MEGF8: variants seen among roughly 807,000 people sequenced by gnomAD.
MEGF8 encodes multiple epidermal growth factor-like domains protein 8.
Under a neutral mutation model 302.9 loss-of-function variants are expected in MEGF8, and 156 were observed. The observed-to-expected ratio is 0.52, with a 90% confidence interval of 0.45 to 0.59. The LOEUF is 0.59. Among genes scored for constraint, MEGF8 ranks in the 20% least tolerant of loss-of-function variants. MEGF8 has a pLI of 0.00. For missense variants in MEGF8, 3,345 were observed against 3,964.5 expected (o/e 0.84, Z 4.20); for synonymous variants, 1,621 against 1,660.5 (o/e 0.98, Z 0.58).
Position 42,369,832 on chromosome 19 carries a change from GA to G in MEGF8, c.6834+110del. ...TCATCCTGAGCCCTGATAAGCCAGG[GA>G]CAGATAAGCCAGAGCCCTGTCCCAG... On this transcript the variant is annotated intron_variant, in intron 38 of 41. Transcript: ENST00000251268. This position sits in a 1 kb window ranked among gnomAD's most constrained non-coding sequence, Gnocchi z 5.7. 1 of 1,254,596 alleles carries G rather than the reference GA, an allele frequency of 8.0e-7. No individual in the cohort carries two copies. 77.7% of individuals were successfully genotyped at this position (1,254,596 alleles called of 1,614,324 possible).
intron 8 of MEGF8, among the ~76,000 whole-genome samples, chr19:42,337,488 T>A (rs1230473424): frequency 6.6e-6 from 1 of 152,114 alleles, no homozygotes; most frequent in Non-Finnish European, 1.5e-5. Flanking sequence ...TTCCTTCTTT[T>A]TAACTTTCTT....
In MEGF8 at chr19:42,351,038, C is replaced by T. The variant is rs139435867; in HGVS notation, c.2737-178C>T. ...CCTAAAGGAGACAGTGGGTGCTGGG[C>T]GGGCCGACCCATGGGTGTCTGTGGT... On this transcript the variant is annotated intron_variant, in intron 15 of 41. Coordinates refer to ENST00000251268, the MANE Select transcript of MEGF8 (RefSeq NM_001271938.2). This position sits in a 1 kb window ranked among gnomAD's most constrained non-coding sequence, Gnocchi z 5.6. 1,932 of 619,230 alleles carry T rather than the reference C, an allele frequency of 3.1e-3. 5 individuals are homozygous for T. Among genetic ancestry groups the T allele is most frequent in the Non-Finnish European group, 4.0e-3 (1,405 of 347,946 alleles). 38.4% of individuals were successfully genotyped at this position (619,230 alleles called of 1,614,324 possible).
chr19:42,329,615 A>C (rs929903190), intron 1 of MEGF8, among the ~76,000 whole-genome samples: 1 of 152,174 alleles, frequency 6.6e-6, no homozygotes, highest in Non-Finnish European at 1.5e-5. Context: ...TAATCCCAGC[A>C]CTTTGGGAAT....
rs750569726 is a variant in MEGF8 at position 42,375,608 on chromosome 19, C to T, written c.7371C>T (p.Ser2457=). 11 of 1,605,986 alleles carry T rather than the reference C, an allele frequency of 6.8e-6. No individual in the cohort carries two copies. The South Asian group carries it at 1.1e-4, about 16-fold the overall frequency. Residue 2457 remains serine, a synonymous_variant, in exon 42 of 42, where the codon TCC becomes TCT. Coordinates refer to ENST00000251268, the MANE Select transcript of MEGF8 (RefSeq NM_001271938.2). This position sits in a 1 kb window ranked among gnomAD's most constrained non-coding sequence, Gnocchi z 7.1. The part of the protein sequence containing the change: ...VEQECCLDPT[S]QTNCFHEPKR... ...AGGAGTGCTGCCTGGACCCCACGTC[C>T]CAGACCAACTGCTTCCATGAGCCCA... is the stretch of plus-strand genomic sequence containing the variant.
chr19:42,361,876 A>G (rs1216160311), intron 32 of MEGF8, among the ~76,000 whole-genome samples: 2 of 152,142 alleles, frequency 1.3e-5, no homozygotes, highest in African/African-American at 2.4e-5. Flanking sequence ...CTGCATGGGC[A>G]GGAGGACCTG....
intron 15 of MEGF8, 135 bp downstream of exon 15, chr19:42,350,519 G>C: frequency 1.3e-6 from 1 of 776,308 alleles, no homozygotes; most frequent in Non-Finnish European, 2.0e-6. Flanking sequence ...GAGCCTGGTG[G>C]GGAGGGTGAG....
rs2039477964 is a variant in MEGF8 at position 42,358,088 on chromosome 19, C to T, written c.5012-56C>T. 9.8e-6 allele frequency: 14 copies of T among 1,425,374 alleles called. No homozygotes were observed. The Admixed American group carries it at 1.6e-4, about 16-fold the overall frequency. 88.3% of individuals were successfully genotyped at this position (1,425,374 alleles called of 1,614,324 possible). On this transcript the variant is annotated intron_variant, in intron 28 of 41. Transcript: ENST00000251268. This position sits in a 1 kb window ranked among gnomAD's most constrained non-coding sequence, Gnocchi z 4.4. ...ACCGAACAGGGGACCGGGAGGTCGG[C>T]GGGGTCAGTGCTGTTGTCAGCCCCT...
intron 40 of MEGF8, 112 bp downstream of exon 40, chr19:42,370,943 C>G (rs2039682903): frequency 1.7e-6 from 1 of 577,964 alleles, no homozygotes; most frequent in Non-Finnish European, 3.1e-6. Context: ...CCTCCACCCC[C>G]AGTCAGGAGA....
In MEGF8 at chr19:42,336,299, C is replaced by G. The variant is rs149190709; in HGVS notation, c.1197C>G (p.Pro399=). ...GCCACTCCATGGTGTTCCATGCCCCCTCCCGTGCCCTGCTGGTCCATGGTG... is the reference window on the plus strand; with the variant it reads ...GCCACTCCATGGTGTTCCATGCCCCGTCCCGTGCCCTGCTGGTCCATGGTG... The part of the protein sequence containing the change: ...ATGHSMVFHA[P]SRALLVHGGH... Residue 399 remains proline, a synonymous_variant, in exon 6 of 42, where the codon CCC becomes CCG. Coordinates refer to ENST00000251268, the MANE Select transcript of MEGF8 (RefSeq NM_001271938.2). The surrounding 1 kb of genome is among the most constrained non-coding windows in gnomAD (Gnocchi z 4.8). 70 of 1,607,316 alleles carry G rather than the reference C, an allele frequency of 4.4e-5. No homozygotes were observed. The highest frequency in any genetic ancestry group is 5.3e-5 in the Non-Finnish European group (62 of 1,179,196).
intron 8 of MEGF8, among the ~76,000 whole-genome samples, 159 bp from the exon 9 acceptor site, chr19:42,343,318 G>C (rs1203075106): frequency 2.0e-5 from 3 of 152,194 alleles, no homozygotes; most frequent in Non-Finnish European, 4.4e-5. Context: ...AGCTCAGCTT[G>C]TTCAGGGCCA....
Position 42,357,264 on chromosome 19 carries a change from G to T in MEGF8, c.4831-140G>T, listed in dbSNP as rs1006585824. On this transcript the variant is annotated intron_variant, in intron 27 of 41. Coordinates refer to ENST00000251268, the MANE Select transcript of MEGF8 (RefSeq NM_001271938.2). This position sits in a 1 kb window ranked among gnomAD's most constrained non-coding sequence, Gnocchi z 5.2. Reference sequence around the variant, plus strand: ...CCCACTGTGCCTCTGCCAGGACCCAGGCTGGTCCGACTGGCCCTGGGGGGG... The same window carrying T: ...CCCACTGTGCCTCTGCCAGGACCCATGCTGGTCCGACTGGCCCTGGGGGGG... 5 of 1,074,764 alleles carry T rather than the reference G, an allele frequency of 4.7e-6. No individual in the cohort carries two copies. 66.6% of individuals were successfully genotyped at this position (1,074,764 alleles called of 1,614,324 possible).
chr19:42,344,032 G>A lies in MEGF8; in HGVS notation c.1747G>A (p.Ala583Thr). Residue 583 changes from alanine to threonine, a missense_variant, in exon 10 of 42, where the codon GCC becomes ACC. Transcript: ENST00000251268. The surrounding 1 kb of genome is among the most constrained non-coding windows in gnomAD (Gnocchi z 4.5). ...RDPECSWCQG[A>T]CQAAPPPGTP... ...CCCGGAATGCAGTTGGTGCCAAGGA[G>A]CCTGCCAAGCTGCACCCCCTCCTGG... is the stretch of plus-strand genomic sequence containing the variant. 6.2e-7 allele frequency: 1 copy of A among 1,613,726 alleles called. No homozygotes were observed. Among genetic ancestry groups the A allele is most frequent in the Non-Finnish European group, 8.5e-7 (1 of 1,179,766 alleles).
chr19:42,372,720 T>TG (rs1422499111), intron 41 of MEGF8, among the ~76,000 whole-genome samples: 1 of 152,182 alleles, frequency 6.6e-6, no homozygotes, highest in Admixed American at 6.5e-5. Flanking sequence ...TTGCCCAGGC[T>TG]GGAGTGCAGT....
chr19:42,340,348 GCCTTCT>G (rs1308098385), intron 8 of MEGF8, among the ~76,000 whole-genome samples: 1 of 152,082 alleles, frequency 6.6e-6, no homozygotes, highest in Admixed American at 6.6e-5. Flanking sequence ...TCATGCTTCA[GCCTTCT>G]GAGTAGCTGG....
chr19:42,357,994 C>A lies in MEGF8; in HGVS notation c.5012-150C>A. 1.4e-6 allele frequency: 1 copy of A among 727,396 alleles called. No homozygotes were observed. Among genetic ancestry groups the A allele is most frequent in the Non-Finnish European group, 2.1e-6 (1 of 473,594 alleles). 45.1% of individuals were successfully genotyped at this position (727,396 alleles called of 1,614,324 possible). On this transcript the variant is annotated intron_variant, in intron 28 of 41. Transcript: ENST00000251268. This position sits in a 1 kb window ranked among gnomAD's most constrained non-coding sequence, Gnocchi z 5.2. ...GTCTCTAATGATTGTCCATTTGAACCCAACTGAGAGGGACGGGTGGAGAGG... is the reference window on the plus strand; with the variant it reads ...GTCTCTAATGATTGTCCATTTGAACACAACTGAGAGGGACGGGTGGAGAGG...
chr19:42,356,587 C>T lies in MEGF8; in HGVS notation c.4622+134C>T. 1 of 957,268 alleles carries T rather than the reference C, an allele frequency of 1.0e-6. No individual in the cohort carries two copies. The allele number at this position is 957,268 out of a possible 1,614,324, so 59.3% of individuals were successfully genotyped here. A position where few individuals can be genotyped will look rare whatever the true frequency, so the allele number is the denominator to read the frequency against. On this transcript the variant is annotated intron_variant, in intron 26 of 41. Transcript: ENST00000251268. The surrounding 1 kb of genome is among the most constrained non-coding windows in gnomAD (Gnocchi z 5.2). ...CCAAAGGATGCTGGGACACTTGTCA[C>T]AGGAAGCTCACCCGGGGACACTTGG...
intron 1 of MEGF8, among the ~76,000 whole-genome samples, chr19:42,330,057 C>G (rs1402251514): frequency 3.3e-5 from 5 of 151,886 alleles, no homozygotes; most frequent in Non-Finnish European, 7.4e-5. Context: ...ATTCTTGTTC[C>G]TTGGTTTCCT....
Position 42,356,329 on chromosome 19 carries a change from C to A in MEGF8, c.4504-6C>A, listed in dbSNP as rs748249866. ...CCTGATCCCCAATGTCCGCACCCACCCCTAGGACACTGCCAGCCGCTTCCT... is the reference window on the plus strand; with the variant it reads ...CCTGATCCCCAATGTCCGCACCCACACCTAGGACACTGCCAGCCGCTTCCT... On this transcript the variant is annotated splice_region_variant and splice_polypyrimidine_tract_variant and intron_variant, in intron 25 of 41. Coordinates refer to ENST00000251268, the MANE Select transcript of MEGF8 (RefSeq NM_001271938.2). The surrounding 1 kb of genome is among the most constrained non-coding windows in gnomAD (Gnocchi z 5.2). 4 of 1,610,262 alleles carry A rather than the reference C, an allele frequency of 2.5e-6. No homozygotes were observed. The South Asian group carries it at 3.3e-5, about 13-fold the overall frequency.
At chr19:42,333,544 G>C (rs903343119) in intron 1 of MEGF8, 61 bp from the exon 2 acceptor site, 15 of 1,525,702 alleles carry the variant, frequency 9.8e-6, no homozygotes, top group Non-Finnish European at 1.3e-5. Context: ...GTGGGAGGCT[G>C]CAGGGAGGTG....
Sources: gnomAD v4.1 joint callset for allele counts (sites outside exome capture counted in the v4.1 genomes callset) on GRCh38, gnomAD v4.1.1 for gene constraint, Gnocchi (gnomAD v3.1) non-coding constraint, MANE v1.5 for transcripts, NCBI Gene and HGNC (gene_info 2026-07-23, HGNC 2026-07-21) for gene names.